The following TCHH variants were observed in gnomAD, a reference collection of about 807,000 sequenced individuals.
The protein encoded by TCHH is trichohyalin.
Under a neutral mutation model 6.3 loss-of-function variants are expected in TCHH, and 6 were observed. That is an observed-to-expected ratio of 0.95 (90% CI 0.52 to 1.88). TCHH has a LOEUF of 1.88. Among genes scored for constraint, TCHH ranks in the 40% most tolerant of loss-of-function variants. The probability of loss-of-function intolerance (pLI) is 0.01; values close to 1 mark genes in which losing one functional copy is unlikely to be tolerated. For synonymous variants in TCHH, 1,087 were observed against 963.6 expected, an observed-to-expected ratio of 1.13 and a Z score of -2.37; for missense variants, 2,920 against 2,449.1, an observed-to-expected ratio of 1.19 and a Z score of -4.06.
Position 152,108,488 on chromosome 1 carries a change from G to C in TCHH, c.4729C>G (p.Arg1577Gly). ...REEQQLSRQE[R>G]DRKFRLEEQK... ...TCCTCTAAACGGAATTTTCTGTCACGCTCTTGGCGGCTCAGCTGCTGTTCC... is the reference window on the plus strand; with the variant it reads ...TCCTCTAAACGGAATTTTCTGTCACCCTCTTGGCGGCTCAGCTGCTGTTCC... The change falls in exon 3 of 3, where the codon CGT (arginine) becomes GGT (glycine). Residue 1577 changes from arginine (R) to glycine (G), a missense_variant. Arg to Gly is a moderately radical substitution (Grantham distance 125). Coordinates refer to ENST00000614923, the MANE Select transcript of TCHH (RefSeq NM_007113.4). The C allele has an allele frequency of 1.2e-6, 2 of 1,612,598 alleles. No individual in the cohort carries two copies. The highest frequency in any genetic ancestry group is 1.7e-6 in the Non-Finnish European group (2 of 1,179,688).
In TCHH at chr1:152,110,556, G is replaced by T; in HGVS notation, c.2661C>A (p.His887Gln). 1 of 1,614,142 alleles carries T rather than the reference G, an allele frequency of 6.2e-7. No individual in the cohort carries two copies. The highest frequency in any genetic ancestry group is 8.5e-7 in the Non-Finnish European group (1 of 1,180,026). Residue 887 changes from histidine (H) to glutamine (Q), a missense_variant, in exon 3 of 3, where the codon CAC (histidine) becomes CAA (glutamine). Physicochemically the swap from His to Gln is conservative, Grantham distance 24. Coordinates refer to ENST00000614923, the MANE Select transcript of TCHH (RefSeq NM_007113.4). Reference protein sequence around the residue: ...QLEEERKRRRHTLYAKPALQE... With the variant: ...QLEEERKRRRQTLYAKPALQE... ...GTAGGGCTGGCTTGGCGTACAGCGT[G>T]TGGCGGCGTCTCTTCCTTTCTTCTT...
rs750300512 is a variant in TCHH at position 152,110,354 on chromosome 1, C to T, written c.2863G>A (p.Glu955Lys). ...REEREKRRRQERERQYRKDKK... is the reference protein window; with the variant it reads ...REEREKRRRQKRERQYRKDKK... ...TCCTTCCGATATTGCCTTTCCCGCT[C>T]CTGGCGTCTTCTTTTCTCCCGTTCC... Residue 955 changes from glutamate to lysine, a missense_variant, in exon 3 of 3, where the codon GAG (glutamate) becomes AAG (lysine). By Grantham distance (56) the Glu-to-Lys change is moderately conservative. Transcript: ENST00000614923. The T allele has an allele frequency of 6.2e-7, 1 of 1,611,654 alleles. No individual in the cohort carries two copies. The highest frequency in any genetic ancestry group is 1.1e-5 in the South Asian group (1 of 90,532).
rs750269640 is a variant in TCHH at position 152,112,263 on chromosome 1, C to T, written c.954G>A (p.Gln318=). The change falls in exon 3 of 3, where the codon CAG becomes CAA. Residue 318 remains glutamine (Q), a synonymous_variant. Transcript: ENST00000614923. The part of the protein sequence containing the change: ...RKQEEERREQ[Q]EERREQQERR... Reference sequence around the variant, plus strand: ...TCTCCTGCTGCTCGCGCCTCTCCTCCTGCTGCTCGCGCCTCTCCTCCTCCT... The same window carrying T: ...TCTCCTGCTGCTCGCGCCTCTCCTCTTGCTGCTCGCGCCTCTCCTCCTCCT... The T allele has an allele frequency of 1.2e-6, 2 of 1,607,106 alleles. No individual in the cohort carries two copies. Among genetic ancestry groups the T allele is most frequent in the South Asian group, 1.1e-5 (1 of 90,918 alleles).
rs1658412398 is a variant in TCHH at position 152,112,488 on chromosome 1, CTCT to C, written c.726_728del (p.Glu243del). The C allele has an allele frequency of 1.2e-6, 2 of 1,613,480 alleles. No individual in the cohort carries two copies. Among genetic ancestry groups the C allele is most frequent in the African/African-American group, 2.7e-5 (2 of 74,864 alleles). On this transcript the variant is annotated inframe_deletion, in exon 3 of 3. Transcript: ENST00000614923. ...CTGTCTCGCGCTTCCTCCACTCTTT[CTCT>C]TCTTCCTCCTGGAACACTCTGTCTT...
chr1:152,113,721 G>A (rs1247521451), intron 2 of TCHH, among the ~76,000 whole-genome samples: 1 of 152,186 alleles, frequency 6.6e-6, no homozygotes, highest in Non-Finnish European at 1.5e-5. Flanking sequence ...GTCCCATGAA[G>A]AGCTCATTCA....
chr1:152,107,338 T>C lies in TCHH; in HGVS notation c.*47A>G. The C allele has an allele frequency of 6.7e-7, 1 of 1,496,698 alleles. No homozygotes were observed. Among genetic ancestry groups the C allele is most frequent in the Non-Finnish European group, 8.9e-7 (1 of 1,119,174 alleles). The allele number at this position is 1,496,698 out of a possible 1,614,324, so 92.7% of individuals were successfully genotyped here. A position where few individuals can be genotyped will look rare whatever the true frequency, so the allele number is the denominator to read the frequency against. On this transcript the variant is annotated 3_prime_UTR_variant, in exon 3 of 3. Coordinates refer to ENST00000614923, the MANE Select transcript of TCHH (RefSeq NM_007113.4). ...ACTTGGTACCCAGTGTTTCTCATTT[T>C]CCCGTGCTCGAAGCTTTGGCAGGTG... is the stretch of plus-strand genomic sequence containing the variant.
At position 152,107,132 on chromosome 1, in the gene TCHH, T is replaced by A. The variant is rs1285539540; in HGVS notation, c.*253A>T. On this transcript the variant is annotated 3_prime_UTR_variant, in exon 3 of 3. Transcript: ENST00000614923. ...CAAATTAAATGATTTATATTTTTTT[T>A]AAATGCACACCACATCTGCATCAAA... 6 of 356,522 alleles carry A rather than the reference T, an allele frequency of 1.7e-5. No individual in the cohort carries two copies. The highest frequency in any genetic ancestry group is 4.2e-5 in the Admixed American group (1 of 23,654). 22.1% of individuals were successfully genotyped at this position (356,522 alleles called of 1,614,324 possible).
At position 152,106,992 on chromosome 1, in the gene TCHH, G is replaced by A. The variant is rs1470264932; in HGVS notation, c.*393C>T. On this transcript the variant is annotated 3_prime_UTR_variant, in exon 3 of 3. Coordinates refer to ENST00000614923, the MANE Select transcript of TCHH (RefSeq NM_007113.4). ...TTAAAAGTATCTGCACTTTCCACAA[G>A]ATGGGTCAGTCATTAAACAAACCGA... The A allele has an allele frequency of 6.2e-6, 1 of 161,902 alleles. No homozygotes were observed. Among genetic ancestry groups the A allele is most frequent in the Non-Finnish European group, 1.3e-5 (1 of 74,766 alleles). The allele number at this position is 161,902 out of a possible 1,614,324, so 10.0% of individuals were successfully genotyped here.
rs1658139436 is a variant in TCHH at position 152,107,539 on chromosome 1, T to G, written c.5678A>C (p.Gln1893Pro). Reference sequence around the variant, plus strand: ...TATCTCCCCGACTTGGCGGTGCCTCTGTTCCTCCTTCTGCTGGCGGCGGAT... The same window carrying G: ...TATCTCCCCGACTTGGCGGTGCCTCGGTTCCTCCTTCTGCTGGCGGCGGAT... Reference protein sequence around the residue: ...EHIRRQQKEEQRHRQVGEIKS... With the variant: ...EHIRRQQKEEPRHRQVGEIKS... Residue 1893 changes from glutamine to proline, a missense_variant, in exon 3 of 3, where the codon CAG (glutamine) becomes CCG (proline). By Grantham distance (76) the Gln-to-Pro change is moderately conservative (BLOSUM62 -1). Coordinates refer to ENST00000614923, the MANE Select transcript of TCHH (RefSeq NM_007113.4). 6.2e-7 allele frequency: 1 copy of G among 1,614,124 alleles called. No individual in the cohort carries two copies. Among genetic ancestry groups the G allele is most frequent in the Non-Finnish European group, 8.5e-7 (1 of 1,180,048 alleles).
Position 152,113,882 on chromosome 1 carries a change from C to T in TCHH, c.138+61G>A, listed in dbSNP as rs1446370166. The T allele has an allele frequency of 1.9e-6, 3 of 1,582,386 alleles. No individual in the cohort carries two copies. In the African/African-American group the frequency reaches 4.1e-5, roughly 22 times the overall value. ...AAACCACCATTCCTTGCTCTGGTCT[C>T]CTCTGAGAATAAATCTCATAGCCTC... On this transcript the variant is annotated intron_variant, in intron 2 of 2. Coordinates refer to ENST00000614923, the MANE Select transcript of TCHH (RefSeq NM_007113.4).
chr1:152,109,572 C>G lies in TCHH; in HGVS notation c.3645G>C (p.Arg1215=). Residue 1215 remains arginine (R), a synonymous_variant, in exon 3 of 3, where the codon CGG becomes CGC. Transcript: ENST00000614923. ...TCAGATCACTGCGCTGATCCTCATC[C>G]CGGTATCGCTGCTTCCTTTTCTGGC... ...LQRQKRKQRY[R]DEDQRSDLKW... is the part of the protein sequence containing the mutation. 1 of 1,614,246 alleles carries G rather than the reference C, an allele frequency of 6.2e-7. No individual in the cohort carries two copies. Among genetic ancestry groups the G allele is most frequent in the Non-Finnish European group, 8.5e-7 (1 of 1,180,046 alleles).
In TCHH at chr1:152,108,814, T is replaced by G. The variant is rs776804302; in HGVS notation, c.4403A>C (p.Gln1468Pro). 6.2e-7 allele frequency: 1 copy of G among 1,613,324 alleles called. No individual in the cohort carries two copies. Among genetic ancestry groups the G allele is most frequent in the South Asian group, 1.1e-5 (1 of 91,022 alleles). Reference sequence around the variant, plus strand: ...CTGTTCTTCCCTTTCCTGGAGCAGCTGTTCCTCTTCGCGGAATTTTCTGTG... The same window carrying G: ...CTGTTCTTCCCTTTCCTGGAGCAGCGGTTCCTCTTCGCGGAATTTTCTGTG... ...ERHRKFREEEQLLQEREEQQL... is the reference protein window; with the variant it reads ...ERHRKFREEEPLLQEREEQQL... The change falls in exon 3 of 3, where the codon CAG becomes CCG. Residue 1468 changes from glutamine to proline, a missense_variant. Coordinates refer to ENST00000614923, the MANE Select transcript of TCHH (RefSeq NM_007113.4).
rs761187559 is a variant in TCHH at position 152,110,105 on chromosome 1, G to A, written c.3112C>T (p.Arg1038Trp). 14 of 1,609,618 alleles carry A rather than the reference G, an allele frequency of 8.7e-6. No homozygotes were observed. The highest frequency in any genetic ancestry group is 1.1e-5 in the South Asian group (1 of 90,848). The change falls in exon 3 of 3, where the codon CGG (arginine) becomes TGG (tryptophan). Residue 1038 changes from arginine (R) to tryptophan (W), a missense_variant. Transcript: ENST00000614923. ...CGCTCCTGGAGTCTTCTTTTCTCCC[G>A]TTCCTCTCTCAGCAGCTGCTCTTCT... ...QEEEQLLREE[R>W]EKRRLQERER...
chr1:152,110,622 G>A lies in TCHH; in HGVS notation c.2595C>T (p.Ser865=). 1 of 1,610,678 alleles carries A rather than the reference G, an allele frequency of 6.2e-7. No individual in the cohort carries two copies. Residue 865 remains serine, a synonymous_variant, in exon 3 of 3, where the codon AGC becomes AGT. Transcript: ENST00000614923. ...ATTTTTGGTCGCGGCGCTGCTCCTG[G>A]CTTCGCCTCCTCTCCTGATCCTCCT... is the stretch of plus-strand genomic sequence containing the variant. ...GLQEDQERRR[S]QEQRRDQKWR...
chr1:152,109,946 CT>C lies in TCHH; in HGVS notation c.3270del (p.Glu1091SerfsTer4). Reference sequence around the variant, plus strand: ...TCCGGTTCCTCTCTCAGCAGCTGCTCTTCCTCCTGCTGCAGCTCCTCTTCCT... The same window carrying C: ...TCCGGTTCCTCTCTCAGCAGCTGCTCTCCTCCTGCTGCAGCTCCTCTTCCT... ...YRKEEELQQE[E>X]EQLLREEPEK... On this transcript the variant is annotated frameshift_variant, in exon 3 of 3. Transcript: ENST00000614923. LOFTEE classifies it low-confidence loss of function (END_TRUNC). 1 of 1,583,734 alleles carries C rather than the reference CT, an allele frequency of 6.3e-7. No homozygotes were observed. The highest frequency in any genetic ancestry group is 8.6e-7 in the Non-Finnish European group (1 of 1,166,690).
chr1:152,109,970 C>A lies in TCHH; in HGVS notation c.3247G>T (p.Glu1083Ter). ...TCTTCCTCCTGCTGCAGCTCCTCTT[C>A]CTTCCGATATTGCCTCTCCAGCTCC... ...RQELERQYRK[E>*]EELQQEEEQL... Residue 1083 changes from glutamate (E) to a stop codon, truncating the protein, a stop_gained, in exon 3 of 3, where the codon GAA (glutamate) becomes TAA (stop). Transcript: ENST00000614923. LOFTEE classifies it low-confidence loss of function (END_TRUNC). The A allele has an allele frequency of 1.3e-6, 2 of 1,578,778 alleles. No individual in the cohort carries two copies. The highest frequency in any genetic ancestry group is 1.7e-6 in the Non-Finnish European group (2 of 1,164,584).
At position 152,109,787 on chromosome 1, in the gene TCHH, C is replaced by T. The variant is rs184423426; in HGVS notation, c.3430G>A (p.Glu1144Lys). 8.8e-6 allele frequency: 14 copies of T among 1,584,534 alleles called. No individual in the cohort carries two copies. In the Admixed American group the frequency reaches 2.4e-4, roughly 27 times the overall value. ...QELERQYREE[E>K]EVQQEEEQLL... ...TGCTCTTCCTCCTGCTGCACCTCCT[C>T]TTCCTCCCGATATTGCCTCTCCAGC... Residue 1144 changes from glutamate to lysine, a missense_variant, in exon 3 of 3, where the codon GAG becomes AAG. By Grantham distance (56) the Glu-to-Lys change is moderately conservative. Transcript: ENST00000614923.
At position 152,109,417 on chromosome 1, in the gene TCHH, A is replaced by T; in HGVS notation, c.3800T>A (p.Leu1267Gln). ...QLRDRQSQQD[L>Q]QHLLGEQQER... ...TTGCTGTTCACCCAGCAGGTGCTGC[A>T]GATCTTGCTGGGATTGTCTGTCGCG... Residue 1267 changes from leucine to glutamine, a missense_variant, in exon 3 of 3, where the codon CTG (leucine) becomes CAG (glutamine). Transcript: ENST00000614923. 1 of 1,613,500 alleles carries T rather than the reference A, an allele frequency of 6.2e-7. No individual in the cohort carries two copies. Among genetic ancestry groups the T allele is most frequent in the Non-Finnish European group, 8.5e-7 (1 of 1,179,484 alleles).
Position 152,110,043 on chromosome 1 carries a change from C to T in TCHH, c.3174G>A (p.Gln1058=). The change falls in exon 3 of 3, where the codon CAG becomes CAA. Residue 1058 remains glutamine, a synonymous_variant. Coordinates refer to ENST00000614923, the MANE Select transcript of TCHH (RefSeq NM_007113.4). Reference sequence around the variant, plus strand: ...CCTCTCCCAGCAGCTGCTCTTCCTCCTGCTGCAGCTCCTCTTCCTCCCGAT... The same window carrying T: ...CCTCTCCCAGCAGCTGCTCTTCCTCTTGCTGCAGCTCCTCTTCCTCCCGAT... ...RQYREEEELQ[Q]EEEQLLGEER... The T allele has an allele frequency of 6.2e-7, 1 of 1,608,830 alleles. No individual in the cohort carries two copies. Among genetic ancestry groups the T allele is most frequent in the Non-Finnish European group, 8.5e-7 (1 of 1,177,950 alleles).
Sources: allele counts gnomAD v4.1 joint callset (sites outside exome capture counted in the v4.1 genomes callset), GRCh38; gene constraint gnomAD v4.1.1; transcripts MANE v1.5; gene names NCBI Gene and HGNC (gene_info 2026-07-23, HGNC 2026-07-21).